The following PHLDB2 variants were observed in gnomAD, a reference collection of about 807,000 sequenced individuals.
The protein encoded by PHLDB2 is pleckstrin homology-like domain family B member 2.
In PHLDB2, 71 loss-of-function variants were observed where a neutral mutation model predicts 123.6. The observed-to-expected ratio is 0.57, with a 90% confidence interval of 0.47 to 0.70. The LOEUF is 0.70. Among genes scored for constraint, PHLDB2 ranks in the 30% least tolerant of loss-of-function variants. PHLDB2 has a pLI of 0.00. For missense variants in PHLDB2, 1,446 were observed against 1,519.5 expected (o/e 0.95, Z 0.80); for synonymous variants, 547 against 541.6 (o/e 1.01, Z -0.14).
Position 111,966,706 on chromosome 3 carries a change from A to C in PHLDB2, c.3168+3A>C. Reference sequence around the variant, plus strand: ...AGACGCGGCTGCTCGAATCCAGGGTAAGCTTCATATTTTCATGCCGGAGGT... The same window carrying C: ...AGACGCGGCTGCTCGAATCCAGGGTCAGCTTCATATTTTCATGCCGGAGGT... On this transcript the variant is annotated splice_donor_region_variant and intron_variant, in intron 14 of 17. Transcript: ENST00000431670. 1 of 1,610,744 alleles carries C rather than the reference A, an allele frequency of 6.2e-7. No homozygotes were observed. The highest frequency in any genetic ancestry group is 8.5e-7 in the Non-Finnish European group (1 of 1,178,172).
At chr3:111,761,411 C>T (rs766259389) in intron 1 of PHLDB2, among the ~76,000 whole-genome samples, 4 of 152,070 alleles carry the variant, frequency 2.6e-5, no homozygotes, top group Non-Finnish European at 5.9e-5. Flanking sequence ...TCCTTATACA[C>T]GGCATTGATT....
chr3:111,934,174 G>A (rs543850604), intron 6 of PHLDB2, among the ~76,000 whole-genome samples: 23 of 152,264 alleles, frequency 1.5e-4, no homozygotes, highest in African/African-American at 5.5e-4. Flanking sequence ...CCTTAGGAGA[G>A]ATAACTGGCT....
intron 1 of PHLDB2, among the ~76,000 whole-genome samples, chr3:111,732,861 G>A (rs1176306384): frequency 6.6e-6 from 1 of 152,148 alleles, no homozygotes; most frequent in East Asian, 1.9e-4. Flanking sequence ...AGCCTGTTCT[G>A]GAAAGCAGGC....
chr3:111,880,587 A>G (rs889567187), intron 1 of PHLDB2, among the ~76,000 whole-genome samples: 1 of 152,120 alleles, frequency 6.6e-6, no homozygotes, highest in Non-Finnish European at 1.5e-5. Context: ...GGTCATAACC[A>G]TGACTGCATA....
At chr3:111,880,590 A>T (rs750854319) in intron 1 of PHLDB2, among the ~76,000 whole-genome samples, 4 of 152,194 alleles carry the variant, frequency 2.6e-5, no homozygotes, top group Non-Finnish European at 5.9e-5. Flanking sequence ...CATAACCATG[A>T]CTGCATATGC....
intron 1 of PHLDB2, among the ~76,000 whole-genome samples, chr3:111,759,961 T>C (rs1010634809): frequency 2.6e-5 from 4 of 152,240 alleles, no homozygotes; most frequent in Admixed American, 6.5e-5. Context: ...TCTAAATGTA[T>C]CTGTCAAACA....
intron 3 of PHLDB2, chr3:111,917,416 G>A (rs969228196): frequency 7.9e-5 from 12 of 152,130 alleles, no homozygotes; most frequent in Admixed American, 2.0e-4. Context: ...AAGCCATTTT[G>A]GAAGTAGAAA....
intron 1 of PHLDB2, among the ~76,000 whole-genome samples, chr3:111,868,762 A>G (rs1285452732): frequency 6.6e-6 from 1 of 152,160 alleles, no homozygotes; most frequent in Non-Finnish European, 1.5e-5. Context: ...AAAGTAAGGA[A>G]TTTTGCAAGT....
At position 111,952,705 on chromosome 3, in the gene PHLDB2, C is replaced by A. The variant is rs1161655071; in HGVS notation, c.2765C>A (p.Thr922Asn). The stretch of plus-strand genomic sequence containing the variant: ...AGTGCTACTATGGGGAGAAGCATCA[C>A]CCCAAAGGTAGGACCTGGGAGAAAC... Reference protein sequence around the residue: ...FSSATMGRSITPKAHLPLGQS... With the variant: ...FSSATMGRSINPKAHLPLGQS... The change falls in exon 11 of 18, where the codon ACC becomes AAC. Residue 922 changes from threonine to asparagine, a missense_variant. Around this residue, in one of 3 missense-constraint regions of PHLDB2, gnomAD observed 594 missense variants for 646.0 expected, o/e 0.92. Coordinates refer to ENST00000431670, the MANE Select transcript of PHLDB2 (RefSeq NM_001134438.2). 1 of 1,611,678 alleles carries A rather than the reference C, an allele frequency of 6.2e-7. No individual in the cohort carries two copies. Among genetic ancestry groups the A allele is most frequent in the Non-Finnish European group, 8.5e-7 (1 of 1,179,384 alleles).
chr3:111,853,612 A>G (rs1294626934), intron 2 of PHLDB2, among the ~76,000 whole-genome samples: 1 of 152,176 alleles, frequency 6.6e-6, no homozygotes, highest in Non-Finnish European at 1.5e-5. Flanking sequence ...GCGGTGGCTC[A>G]CACCTGTAAT....
chr3:111,947,026 G>A (rs534052205), intron 9 of PHLDB2, among the ~76,000 whole-genome samples: 29 of 152,288 alleles, frequency 1.9e-4, no homozygotes, highest in African/African-American at 2.6e-4. Flanking sequence ...AAAGGAAGGT[G>A]TCCGGAATCA....
At chr3:111,885,539 A>C (rs548444031) in intron 2 of PHLDB2, 127 bp downstream of exon 2, 1 of 1,223,768 alleles carries the variant, frequency 8.2e-7, no homozygotes, top group East Asian at 2.4e-5. Context: ...CACAGCTGCT[A>C]TCTTTCTCTT....
intron 1 of PHLDB2, among the ~76,000 whole-genome samples, chr3:111,787,260 G>A (rs2060721445): frequency 6.6e-6 from 1 of 152,204 alleles, no homozygotes; most frequent in African/African-American, 2.4e-5. Context: ...TTGCGTTACT[G>A]AAGGTGAATG....
In PHLDB2 at chr3:111,950,594, C is replaced by G. The variant is rs7625984; in HGVS notation, c.2631+1519C>G. On this transcript the variant is annotated intron_variant, in intron 10 of 17. Coordinates refer to ENST00000431670, the MANE Select transcript of PHLDB2 (RefSeq NM_001134438.2). Reference sequence around the variant, plus strand: ...TTAGAACACTCAGAGTACATTGATGCTTGGGTATTCAAAAAAAAAATTTGT... The same window carrying G: ...TTAGAACACTCAGAGTACATTGATGGTTGGGTATTCAAAAAAAAAATTTGT... Among the ~76,000 whole-genome samples, 534 of 151,964 alleles carry G rather than the reference C, an allele frequency of 3.5e-3. 6 individuals carry two copies. The highest frequency in any genetic ancestry group is 0.012 in the African/African-American group (497 of 41,330).
chr3:111,734,252 T>C (rs1941606571), intron 1 of PHLDB2, among the ~76,000 whole-genome samples: 1 of 152,066 alleles, frequency 6.6e-6, no homozygotes, highest in Non-Finnish European at 1.5e-5. Flanking sequence ...ATGGAGGTGG[T>C]TTTGACGAGG....
chr3:111,867,507 C>G (rs1019856519), intron 1 of PHLDB2, among the ~76,000 whole-genome samples: 11 of 152,070 alleles, frequency 7.2e-5, no homozygotes, highest in Admixed American at 1.3e-4. Context: ...CATTTGTAAA[C>G]CTCACTTTAC....
Position 111,893,920 on chromosome 3 carries a change from T to TTTATTTA in PHLDB2, c.1335+8513_1335+8514insTATTATT, listed in dbSNP as rs1469213014. On this transcript the variant is annotated intron_variant, in intron 2 of 17. Coordinates refer to ENST00000431670, the MANE Select transcript of PHLDB2 (RefSeq NM_001134438.2). ...TTTATTTTTATTTATTTATTTATTT[T>TTTATTTA]TTATTATACTTTAAGTTTTAGGGTA... 1.5e-3 allele frequency among the ~76,000 whole-genome samples: 85 copies of TTTATTTA among 54,986 alleles called. No homozygotes were observed. The East Asian group carries it at 0.093, about 60-fold the overall frequency. The allele number at this position is 54,986 out of a possible 152,430, so 36.1% of individuals were successfully genotyped here.
chr3:111,758,528 A>G (rs1286301285), intron 1 of PHLDB2, among the ~76,000 whole-genome samples: 1 of 152,166 alleles, frequency 6.6e-6, no homozygotes, highest in African/African-American at 2.4e-5. Flanking sequence ...TTGACTAGGA[A>G]AGGGAACTGC....
intron 1 of PHLDB2, among the ~76,000 whole-genome samples, chr3:111,792,649 G>A (rs562619288): frequency 6.6e-6 from 1 of 152,238 alleles, no homozygotes; most frequent in East Asian, 1.9e-4. Context: ...TGAAGCTTTA[G>A]TGAGCCCTGA....
Sources: gnomAD v4.1 joint callset for allele counts (sites outside exome capture counted in the v4.1 genomes callset) on GRCh38, gnomAD v4.1.1 for gene constraint, gnomAD v4.1.1 regional missense constraint, MANE v1.5 for transcripts, NCBI Gene and HGNC (gene_info 2026-07-23, HGNC 2026-07-21) for gene names.